The following LOC400499 variants were observed in gnomAD, a reference collection of about 807,000 sequenced individuals.
the LOC400499 span, chr16:11,501,001 A>C: frequency 2.5e-6 from 1 of 398,874 alleles, no homozygotes; most frequent in Non-Finnish European, 4.4e-6. Context: ...ACACGTGCTG[A>C]GCGCCTGCAA....
At chr16:11,378,220 T>G in the LOC400499 span, among the ~76,000 whole-genome samples, 15 of 147,238 alleles carry the variant, frequency 1.0e-4, no homozygotes, top group South Asian at 3.3e-3. Flanking sequence ...TATAGAACAG[T>G]GTCACTGTGC....
At chr16:11,504,502 C>T in the LOC400499 span, among the ~76,000 whole-genome samples, 9 of 151,912 alleles carry the variant, frequency 5.9e-5, no homozygotes, top group Admixed American at 3.3e-4. Flanking sequence ...TGCAGTGAGC[C>T]GAGATTACGC....
the LOC400499 span, among the ~76,000 whole-genome samples, chr16:11,521,252 G>A: frequency 1.3e-5 from 2 of 152,252 alleles, no homozygotes; most frequent in African/African-American, 4.8e-5. Context: ...AATATGAGAT[G>A]AGACTCCAAC....
At chr16:11,455,331 A>G in the LOC400499 span, among the ~76,000 whole-genome samples, 1 of 152,236 alleles carries the variant, frequency 6.6e-6, no homozygotes, top group Non-Finnish European at 1.5e-5. Flanking sequence ...GAGAAGGCCT[A>G]AAGCTGAAAA....
the LOC400499 span, chr16:11,447,930 A>C: frequency 6.5e-7 from 1 of 1,534,364 alleles, no homozygotes; most frequent in Non-Finnish European, 8.7e-7. Context: ...AGGGGCGCAC[A>C]TACCTAAGGA....
the LOC400499 span, among the ~76,000 whole-genome samples, chr16:11,375,914 A>G: frequency 6.6e-6 from 1 of 151,890 alleles, no homozygotes; most frequent in African/African-American, 2.4e-5. Context: ...TTTTTAGTAG[A>G]GACGGGGTGA....
At chr16:11,406,044 G>A in the LOC400499 span, among the ~76,000 whole-genome samples, 71 of 152,242 alleles carry the variant, frequency 4.7e-4, no homozygotes, top group African/African-American at 1.6e-3. Flanking sequence ...AGATTGAGGG[G>A]GTCAGTGTGC....
At chr16:11,478,899 T>C in the LOC400499 span, among the ~76,000 whole-genome samples, 15 of 152,282 alleles carry the variant, frequency 9.9e-5, no homozygotes, top group South Asian at 1.2e-3. Context: ...TCTATGGTTT[T>C]AAAAATGGGG....
chr16:11,431,075 G>A, the LOC400499 span: 1 of 399,080 alleles, frequency 2.5e-6, no homozygotes, highest in Non-Finnish European at 4.4e-6. Flanking sequence ...CTTCCTGTGA[G>A]TGTCAGGAGG....
chr16:11,460,487 A>C, the LOC400499 span: 1 of 1,524,596 alleles, frequency 6.6e-7, no homozygotes, highest in South Asian at 1.2e-5. Context: ...CTTGTGGCTG[A>C]AGGCTAGGAT....
the LOC400499 span, among the ~76,000 whole-genome samples, chr16:11,421,632 G>C: frequency 2.0e-5 from 3 of 152,284 alleles, no homozygotes; most frequent in Non-Finnish European, 2.9e-5. Flanking sequence ...TCGAACTCCT[G>C]ACCTCAAGTG....
chr16:11,485,898 C>T, the LOC400499 span, among the ~76,000 whole-genome samples: 3 of 151,824 alleles, frequency 2.0e-5, no homozygotes, highest in African/African-American at 4.9e-5. Context: ...GGTAGGTAGA[C>T]AGAGATGGAT....
At chr16:11,382,884 G>T in the LOC400499 span, among the ~76,000 whole-genome samples, 1 of 152,102 alleles carries the variant, frequency 6.6e-6, no homozygotes, top group Non-Finnish European at 1.5e-5. Context: ...TTAGTAGGGG[G>T]TAGGGAATCC....
the LOC400499 span, among the ~76,000 whole-genome samples, chr16:11,504,742 G>A: frequency 2.0e-5 from 3 of 152,104 alleles, no homozygotes; most frequent in Non-Finnish European, 4.4e-5. Context: ...GGCCAACATG[G>A]TGAAACCTCA....
chr16:11,484,908 C>G, the LOC400499 span: 1 of 399,384 alleles, frequency 2.5e-6, no homozygotes, highest in Admixed American at 4.4e-5. Flanking sequence ...ATCCTTCTGT[C>G]TCTGTCTCCT....
the LOC400499 span, chr16:11,446,794 T>C: frequency 6.5e-7 from 1 of 1,535,986 alleles, no homozygotes; most frequent in Non-Finnish European, 8.7e-7. Flanking sequence ...CTGCAGGGTT[T>C]CCTCTCGGCC....
the LOC400499 span, chr16:11,402,108 G>A: frequency 4.3e-5 from 17 of 399,030 alleles, no homozygotes; most frequent in East Asian, 7.1e-5. Context: ...GAGGACAGGC[G>A]GAGGCTGCAG....
At chr16:11,409,678 G>T in the LOC400499 span, among the ~76,000 whole-genome samples, 1 of 152,200 alleles carries the variant, frequency 6.6e-6, no homozygotes, top group Non-Finnish European at 1.5e-5. Flanking sequence ...AATTGTATAT[G>T]GGCTGTACAT....
the LOC400499 span, chr16:11,450,596 G>A: frequency 2.0e-5 from 31 of 1,535,200 alleles, no homozygotes; most frequent in African/African-American, 2.6e-4. Context: ...ATCGGGGGCC[G>A]AGCACTGCTC....
Sources: allele counts gnomAD v4.1 joint callset (sites outside exome capture counted in the v4.1 genomes callset), GRCh38; gene constraint gnomAD v4.1.1; transcripts MANE v1.5.